The following KSR1 variants were observed in gnomAD, a reference collection of about 807,000 sequenced individuals.
The protein encoded by KSR1 is kinase suppressor of ras.
Under a neutral mutation model 92.9 loss-of-function variants are expected in KSR1, and 35 were observed. That is an observed-to-expected ratio of 0.38 (90% CI 0.29 to 0.50). KSR1 has a LOEUF of 0.50. Ranked by LOEUF, KSR1 falls within the 20% of genes least tolerant of loss-of-function variation. KSR1 has a pLI of 0.94. For missense variants in KSR1, 972 were observed against 1,158.5 expected (o/e 0.84, Z 2.34); for synonymous variants, 467 against 472.6 (o/e 0.99, Z 0.15).
intron 15 of KSR1, among the ~76,000 whole-genome samples, 155 bp from the exon 16 acceptor site, chr17:27,609,041 C>T (rs1379532655): frequency 6.6e-6 from 1 of 152,158 alleles, no homozygotes; most frequent in Non-Finnish European, 1.5e-5. Flanking sequence ...AGTGACTTTC[C>T]CTCTCTGAAC....
At position 27,577,325 on chromosome 17, in the gene KSR1, G is replaced by A. The variant is rs982022458; in HGVS notation, c.373-167G>A. The A allele has an allele frequency of 3.5e-6, 2 of 577,054 alleles. No homozygotes were observed. Among genetic ancestry groups the A allele is most frequent in the South Asian group, 4.1e-5 (2 of 49,208 alleles). The allele number at this position is 577,054 out of a possible 1,614,324, so 35.7% of individuals were successfully genotyped here. The stretch of plus-strand genomic sequence containing the variant: ...TGTCTCTGGGAGCCTGGAGGGTGGG[G>A]GCCAGGGAGCTCTGCTTGTGTCCCC... On this transcript the variant is annotated intron_variant, in intron 2 of 20. Transcript: ENST00000644974. The surrounding 1 kb of genome is among the most constrained non-coding windows in gnomAD (Gnocchi z 4.5).
chr17:27,525,971 C>G (rs1041083307), intron 1 of KSR1, among the ~76,000 whole-genome samples: 5 of 113,140 alleles, frequency 4.4e-5, no homozygotes, highest in African/African-American at 1.4e-4. Context: ...GCATCCAGAT[C>G]TGTTCGGTAA....
chr17:27,457,466 A>G (rs1567731495), intron 1 of KSR1, among the ~76,000 whole-genome samples: 1 of 152,320 alleles, frequency 6.6e-6, no homozygotes, highest in East Asian at 1.9e-4. Context: ...GCTGCTTAAA[A>G]TGTATTAATA....
At chr17:27,542,300 G>A (rs2151069353) in intron 1 of KSR1, among the ~76,000 whole-genome samples, 1 of 152,292 alleles carries the variant, frequency 6.6e-6, no homozygotes, top group African/African-American at 2.4e-5. Flanking sequence ...CTATACATGG[G>A]AAACTGGTGT....
intron 1 of KSR1, among the ~76,000 whole-genome samples, chr17:27,460,385 G>T (rs1361208100): frequency 6.6e-6 from 1 of 152,192 alleles, no homozygotes; most frequent in African/African-American, 2.4e-5. Context: ...TCCAGAGACA[G>T]GCTCTGCCAT....
chr17:27,608,531 A>T (rs1418130200), intron 15 of KSR1, among the ~76,000 whole-genome samples: 1 of 152,202 alleles, frequency 6.6e-6, no homozygotes, highest in Non-Finnish European at 1.5e-5. Context: ...TGTTAGTTCA[A>T]ATAGAGCATT....
Position 27,605,534 on chromosome 17 carries a change from G to T in KSR1, c.1715G>T (p.Arg572Leu), listed in dbSNP as rs764025244. The T allele has an allele frequency of 4.4e-6, 7 of 1,595,280 alleles. No homozygotes were observed. Among genetic ancestry groups the T allele is most frequent in the African/African-American group, 1.3e-5 (1 of 74,736 alleles). Residue 572 changes from arginine to leucine, a missense_variant, in exon 14 of 21, where the codon CGC (arginine) becomes CTC (leucine). Arg to Leu is a moderately radical substitution (Grantham distance 102, BLOSUM62 -2). This residue lies in a region of KSR1 where 611 missense variants were observed against 668.0 expected (regional missense o/e 0.91). Transcript: ENST00000644974. ...CGGCCCTGGCGGGGCCCCATCTCTC[G>T]CAAGGCCAGCCAGACCAGCGTGTAC... Reference protein sequence around the residue: ...SRRPWRGPISRKASQTSVYLQ... With the variant: ...SRRPWRGPISLKASQTSVYLQ...
At chr17:27,458,647 G>C (rs561982607) in intron 1 of KSR1, among the ~76,000 whole-genome samples, 1 of 152,154 alleles carries the variant, frequency 6.6e-6, no homozygotes, top group Non-Finnish European at 1.5e-5. Flanking sequence ...TTGTTTAGAC[G>C]ATCATCCCTG....
intron 14 of KSR1, among the ~76,000 whole-genome samples, chr17:27,607,239 T>G (rs2073783398): frequency 6.6e-6 from 1 of 152,192 alleles, no homozygotes; most frequent in African/African-American, 2.4e-5. Flanking sequence ...CTCTACCCCT[T>G]GCCTGGTTTT....
At chr17:27,538,695 A>G (rs1597978345) in intron 1 of KSR1, among the ~76,000 whole-genome samples, 1 of 152,196 alleles carries the variant, frequency 6.6e-6, no homozygotes, top group East Asian at 1.9e-4. Context: ...TCCTGTGGGC[A>G]AGGGAGAAGC....
intron 1 of KSR1, chr17:27,465,040 A>G (rs1340410180): frequency 6.6e-6 from 1 of 152,042 alleles, no homozygotes. Flanking sequence ...CGGCTGATCT[A>G]GTGTCTTGTC....
chr17:27,584,772 C>A (rs1205007019), intron 4 of KSR1, among the ~76,000 whole-genome samples: 1 of 152,148 alleles, frequency 6.6e-6, no homozygotes, highest in Admixed American at 6.5e-5. Context: ...CTGGTGACCC[C>A]TGAGTGCTCT....
At chr17:27,584,603 C>G (rs1002323028) in intron 4 of KSR1, among the ~76,000 whole-genome samples, 3 of 152,208 alleles carry the variant, frequency 2.0e-5, no homozygotes, top group African/African-American at 7.2e-5. Context: ...TGGTCTCATT[C>G]CCATGCTAGA....
rs1460177448 is a variant in KSR1, at chr17:27,551,418, A to G, written c.372+710A>G. Among the ~76,000 whole-genome samples, 4 of 152,172 alleles carry G rather than the reference A, an allele frequency of 2.6e-5. 1 individual carries two copies. The highest frequency in any genetic ancestry group is 4.1e-4 in the South Asian group (2 of 4,826). ...CAGATCTCATAAATCCCCTACTTCTATCCTAAAATTGAAAATATTGGCTTT... is the reference window on the plus strand; with the variant it reads ...CAGATCTCATAAATCCCCTACTTCTGTCCTAAAATTGAAAATATTGGCTTT... On this transcript the variant is annotated intron_variant, in intron 2 of 20. Coordinates refer to ENST00000644974, the MANE Select transcript of KSR1 (RefSeq NM_001394583.1).
intron 11 of KSR1, 52 bp from the exon 12 acceptor site, chr17:27,603,782 T>G: frequency 6.3e-7 from 1 of 1,590,290 alleles, no homozygotes; most frequent in Non-Finnish European, 8.6e-7. Flanking sequence ...GGTGTCTCTT[T>G]GGGGAGAGGA....
intron 1 of KSR1, among the ~76,000 whole-genome samples, chr17:27,543,871 G>A (rs891186619): frequency 9.2e-5 from 14 of 152,156 alleles, no homozygotes; most frequent in Non-Finnish European, 1.9e-4. Context: ...TATCTGATGC[G>A]TGGGTTCCTC....
intron 14 of KSR1, among the ~76,000 whole-genome samples, chr17:27,607,584 A>G (rs1381469381): frequency 6.6e-6 from 1 of 152,152 alleles, no homozygotes; most frequent in African/African-American, 2.4e-5. Context: ...CTTCCCCATC[A>G]GAGTGGTCCT....
intron 2 of KSR1, among the ~76,000 whole-genome samples, chr17:27,551,726 G>A (rs543378763): frequency 1.3e-5 from 2 of 152,104 alleles, no homozygotes; most frequent in Admixed American, 1.3e-4. Context: ...GTGTGGGCAA[G>A]GCCCTGTGGC....
chr17:27,486,045 G>A (rs1444282991), intron 1 of KSR1, among the ~76,000 whole-genome samples: 1 of 152,204 alleles, frequency 6.6e-6, no homozygotes, highest in Non-Finnish European at 1.5e-5. Context: ...AAGAACGTAT[G>A]AACTCAGGTT....
Sources: allele counts gnomAD v4.1 joint callset (sites outside exome capture counted in the v4.1 genomes callset), GRCh38; gene constraint gnomAD v4.1.1; regional missense constraint gnomAD v4.1.1; non-coding constraint Gnocchi (gnomAD v3.1); transcripts MANE v1.5; gene names NCBI Gene and HGNC (gene_info 2026-07-23, HGNC 2026-07-21).